LMNTD1: variants seen among roughly 807,000 people sequenced by gnomAD.
The protein encoded by LMNTD1 is lamin tail domain-containing protein 1.
Under a neutral mutation model 50.9 loss-of-function variants are expected in LMNTD1, and 35 were observed. The observed-to-expected ratio is 0.69, with a 90% CI of 0.53 to 0.91. LMNTD1 has a LOEUF of 0.91. Ranked by LOEUF, LMNTD1 falls within the 40% of genes least tolerant of loss-of-function variation. The pLI, the probability that LMNTD1 is intolerant of heterozygous loss-of-function variation, is 0.00. For synonymous variants in LMNTD1, 153 were observed against 161.9 expected (o/e 0.94, Z 0.42); for missense variants, 470 against 475.5 (o/e 0.99, Z 0.11).
chr12:25,520,175 TAG>T (rs1565964100), intron 6 of LMNTD1, 100 bp from the exon 7 acceptor site: 121 of 218,792 alleles, frequency 5.5e-4, no homozygotes, highest in Middle Eastern at 1.7e-3. Context: ...TATATATATA[TAG>T]TAAAATGGTT....
intron 8 of LMNTD1, among the ~76,000 whole-genome samples, chr12:25,510,487 A>G (rs1300691759): frequency 6.6e-6 from 1 of 151,918 alleles, no homozygotes; most frequent in Non-Finnish European, 1.5e-5. Context: ...TCTTTGTATC[A>G]GTTTTTGAGA....
intron 1 of LMNTD1, among the ~76,000 whole-genome samples, chr12:25,591,165 C>T (rs897571197): frequency 2.1e-5 from 3 of 140,652 alleles, no homozygotes; most frequent in African/African-American, 4.9e-5. Context: ...CATTTCTGGA[C>T]CTGCCCTAGG....
chr12:25,516,497 G>A (rs940325056), intron 8 of LMNTD1, among the ~76,000 whole-genome samples: 3 of 152,124 alleles, frequency 2.0e-5, no homozygotes, highest in Non-Finnish European at 4.4e-5. Context: ...ATAAATTAAT[G>A]TATTTCTTGA....
intron 4 of LMNTD1, among the ~76,000 whole-genome samples, chr12:25,535,750 T>C (rs1004143872): frequency 6.6e-6 from 1 of 152,056 alleles, no homozygotes; most frequent in East Asian, 1.9e-4. Context: ...TAAATGTAAA[T>C]AGTTTAAATG....
At chr12:25,537,946 T>C (rs1002133860) in intron 4 of LMNTD1, among the ~76,000 whole-genome samples, 9 of 148,996 alleles carry the variant, frequency 6.0e-5, no homozygotes, top group African/African-American at 2.0e-4. Context: ...CAGGAGCCGA[T>C]GCGATCAACT....
At chr12:25,478,047 C>T (rs866211957) in intron 9 of LMNTD1, among the ~76,000 whole-genome samples, 3 of 152,062 alleles carry the variant, frequency 2.0e-5, no homozygotes, top group South Asian at 2.1e-4. Flanking sequence ...ATATTCTAGC[C>T]GTACTGGCAG....
chr12:25,503,586 T>C (rs1173805179), intron 9 of LMNTD1, among the ~76,000 whole-genome samples, 152 bp downstream of exon 9: 2 of 152,172 alleles, frequency 1.3e-5, no homozygotes, highest in Non-Finnish European at 2.9e-5. Context: ...CTGATGGCTC[T>C]AAAGGCAACA....
intron 4 of LMNTD1, among the ~76,000 whole-genome samples, chr12:25,539,085 T>A (rs1942851976): frequency 6.7e-6 from 1 of 150,112 alleles, no homozygotes; most frequent in Non-Finnish European, 1.5e-5. Flanking sequence ...AAGTCCTGAG[T>A]GACCTACAAA....
intron 6 of LMNTD1, among the ~76,000 whole-genome samples, chr12:25,524,493 G>C (rs925918141): frequency 1.2e-4 from 19 of 152,268 alleles, no homozygotes; most frequent in African/African-American, 3.1e-4. Flanking sequence ...TAAGTACAAA[G>C]CCTAATTCAG....
intron 4 of LMNTD1, among the ~76,000 whole-genome samples, chr12:25,530,251 A>G (rs1942126167): frequency 6.6e-6 from 1 of 152,162 alleles, no homozygotes; most frequent in Non-Finnish European, 1.5e-5. Flanking sequence ...TTTCTGCAAG[A>G]AGAGACTTTA....
chr12:25,594,755 G>A (rs1270972538), intron 1 of LMNTD1, among the ~76,000 whole-genome samples: 1 of 150,566 alleles, frequency 6.6e-6, no homozygotes, highest in Non-Finnish European at 1.5e-5. Context: ...AATGTAAATG[G>A]CCTAAACGCT....
chr12:25,527,439 T>C (rs1384140948), intron 4 of LMNTD1, among the ~76,000 whole-genome samples: 1 of 151,276 alleles, frequency 6.6e-6, no homozygotes, highest in Non-Finnish European at 1.5e-5. Context: ...TTAACTTGCA[T>C]TGAGAGCTTT....
chr12:25,579,279 C>T (rs1945171286), intron 1 of LMNTD1, among the ~76,000 whole-genome samples: 1 of 152,026 alleles, frequency 6.6e-6, no homozygotes. Context: ...AGACTTTTTT[C>T]TTACTATTAT....
chr12:25,549,844 G>A (rs1242851579), intron 2 of LMNTD1, among the ~76,000 whole-genome samples: 1 of 152,004 alleles, frequency 6.6e-6, no homozygotes, highest in Non-Finnish European at 1.5e-5. Flanking sequence ...CCACCAACAA[G>A]ACATTTTACC....
chr12:25,506,014 A>G (rs1224664186), intron 8 of LMNTD1, among the ~76,000 whole-genome samples: 3 of 152,146 alleles, frequency 2.0e-5, no homozygotes, highest in Non-Finnish European at 4.4e-5. Context: ...ATAAGGAAAA[A>G]CTCAAAAATC....
chr12:25,616,640 G>A (rs1471302275), intron 1 of LMNTD1, among the ~76,000 whole-genome samples: 1 of 152,164 alleles, frequency 6.6e-6, no homozygotes, highest in African/African-American at 2.4e-5. Flanking sequence ...AGTTTTGTGA[G>A]ATGTTACCAT....
intron 1 of LMNTD1, among the ~76,000 whole-genome samples, chr12:25,558,762 C>A (rs894733621): frequency 6.6e-6 from 1 of 152,112 alleles, no homozygotes; most frequent in Non-Finnish European, 1.5e-5. Flanking sequence ...TTTATAAAAC[C>A]ATCAGATGTC....
intron 9 of LMNTD1, among the ~76,000 whole-genome samples, chr12:25,496,673 A>G (rs1209455777): frequency 6.6e-6 from 1 of 152,180 alleles, no homozygotes; most frequent in East Asian, 1.9e-4. Flanking sequence ...AGACTAGAAT[A>G]TGATTTTCTT....
At chr12:25,583,326 C>T (rs190910556) in intron 1 of LMNTD1, among the ~76,000 whole-genome samples, 65 of 91,066 alleles carry the variant, frequency 7.1e-4, no homozygotes, top group African/African-American at 1.9e-3. Flanking sequence ...CGTGCCCGGC[C>T]GGTAATGTTT....
Sources: gnomAD v4.1 joint callset for allele counts (sites outside exome capture counted in the v4.1 genomes callset) on GRCh38, gnomAD v4.1.1 for gene constraint, MANE v1.5 for transcripts, NCBI Gene and HGNC (gene_info 2026-07-23, HGNC 2026-07-21) for gene names.